TAF3: variants seen among roughly 807,000 people sequenced by gnomAD.
TAF3 encodes TATA-box binding protein associated factor 3, also known as transcription initiation factor TFIID subunit 3.
TAF3 carries 7 observed loss-of-function variants against 80.6 expected under a neutral mutation model. The ratio of observed to expected loss-of-function variants is 0.09; its 90% CI spans 0.05 to 0.16. The LOEUF (loss-of-function observed/expected upper bound fraction) is 0.16. Ranked by LOEUF, TAF3 falls within the 10% of genes least tolerant of loss-of-function variation. The pLI is 1.00. For synonymous variants in TAF3, 444 were observed against 446.1 expected, an observed-to-expected ratio of 1.00 and a Z score of 0.06; for missense variants, 921 against 1,140.2, an observed-to-expected ratio of 0.81 and a Z score of 2.77.
chr10:7,883,958 G>C (rs1837384774), intron 2 of TAF3, among the ~76,000 whole-genome samples: 1 of 152,102 alleles, frequency 6.6e-6, no homozygotes, highest in Admixed American at 6.5e-5. Flanking sequence ...CATGGCAAGG[G>C]GCTGAGCATG....
At chr10:7,975,659 A>G (rs1831665786) in intron 3 of TAF3, among the ~76,000 whole-genome samples, 1 of 152,178 alleles carries the variant, frequency 6.6e-6, no homozygotes, top group South Asian at 2.1e-4. Context: ...TGCAGGCATC[A>G]TGCAAGGGAG....
intron 2 of TAF3, among the ~76,000 whole-genome samples, chr10:7,853,595 G>A (rs777903830): frequency 1.1e-4 from 17 of 152,196 alleles, no homozygotes; most frequent in Non-Finnish European, 2.1e-4. Context: ...TCATTGACAC[G>A]TGAAATTCTC....
At chr10:7,853,453 G>A (rs918660504) in intron 2 of TAF3, among the ~76,000 whole-genome samples, 1 of 152,158 alleles carries the variant, frequency 6.6e-6, no homozygotes, top group Non-Finnish European at 1.5e-5. Context: ...GGAGGTGGTG[G>A]TGAAAAATGT....
In TAF3 at chr10:7,955,879, G is replaced by C. The variant is rs573118600; in HGVS notation, c.410-8041G>C. The stretch of plus-strand genomic sequence containing the variant: ...AAGGAAAATTGAAATGGAGTTTGTG[G>C]TGTCCTGCTCCCATCAACATTTGTA... On this transcript the variant is annotated intron_variant, in intron 2 of 6. Coordinates refer to ENST00000344293, the MANE Select transcript of TAF3 (RefSeq NM_031923.4). Among the ~76,000 whole-genome samples, 406 of 152,248 alleles carry C rather than the reference G, an allele frequency of 2.7e-3. 2 individuals are homozygous for C. Among genetic ancestry groups the C allele is most frequent in the Non-Finnish European group, 3.8e-3 (257 of 68,008 alleles).
intron 2 of TAF3, among the ~76,000 whole-genome samples, chr10:7,927,132 G>A (rs1266246246): frequency 6.6e-6 from 1 of 152,188 alleles, no homozygotes; most frequent in East Asian, 1.9e-4. Flanking sequence ...TCCTCATTCA[G>A]AGAACACTTT....
intron 2 of TAF3, among the ~76,000 whole-genome samples, chr10:7,907,645 G>A (rs145117017): frequency 2.9e-4 from 44 of 152,318 alleles, no homozygotes; most frequent in Admixed American, 1.3e-4. Context: ...TGGGTGATTC[G>A]TAGCAGAGCC....
chr10:7,939,342 T>G (rs952845224), intron 2 of TAF3, among the ~76,000 whole-genome samples: 5 of 152,104 alleles, frequency 3.3e-5, no homozygotes, highest in Non-Finnish European at 7.3e-5. Context: ...AATTGGAGGA[T>G]TCTCTGAAAA....
rs767965586 is a variant in TAF3, at chr10:8,009,379, A to T, written c.2568+49A>T. On this transcript the variant is annotated intron_variant, in intron 5 of 6. Coordinates refer to ENST00000344293, the MANE Select transcript of TAF3 (RefSeq NM_031923.4). This position sits in a 1 kb window ranked among gnomAD's most constrained non-coding sequence, Gnocchi z 4.1. ...TTAGCATGGAGACGTTTTCAGATCG[A>T]GACAAGTGTGTGCTCTGAATCACTA... 4.1e-5 allele frequency: 63 copies of T among 1,550,536 alleles called. No individual in the cohort carries two copies. The African/African-American group carries it at 5.2e-4, about 13-fold the overall frequency.
intron 2 of TAF3, among the ~76,000 whole-genome samples, chr10:7,852,033 C>T (rs982881645): frequency 6.6e-6 from 1 of 152,014 alleles, no homozygotes; most frequent in Non-Finnish European, 1.5e-5. Flanking sequence ...ATCCTTCCAC[C>T]TCAGCATCTC....
chr10:7,913,625 C>T (rs1057430522), intron 2 of TAF3, among the ~76,000 whole-genome samples: 1 of 152,122 alleles, frequency 6.6e-6, no homozygotes, highest in African/African-American at 2.4e-5. Context: ...CCTTTGTTCC[C>T]CAGTAGTCCT....
At chr10:7,877,059 G>A (rs2151016) in intron 2 of TAF3, among the ~76,000 whole-genome samples, 54,325 of 149,142 alleles carry the variant, frequency 0.36, 11,023 homozygotes, top group Admixed American at 0.49. Flanking sequence ...GAGATTCCAC[G>A]TCTGAGGTTT....
chr10:7,869,558 A>G (rs1292047655), intron 2 of TAF3, among the ~76,000 whole-genome samples: 1 of 152,192 alleles, frequency 6.6e-6, no homozygotes, highest in African/African-American at 2.4e-5. Context: ...ATTTTTCACT[A>G]TTTTAACAGT....
At chr10:7,844,877 T>G (rs1768766800) in intron 2 of TAF3, among the ~76,000 whole-genome samples, 2 of 152,212 alleles carry the variant, frequency 1.3e-5, no homozygotes, top group South Asian at 4.1e-4. Flanking sequence ...AATATGCCAT[T>G]AGTTACTTAG....
intron 3 of TAF3, among the ~76,000 whole-genome samples, chr10:7,971,319 C>T (rs1317205998): frequency 6.6e-6 from 1 of 152,088 alleles, no homozygotes; most frequent in Non-Finnish European, 1.5e-5. Context: ...GTTCAGCATC[C>T]AAATGTTAGG....
At chr10:7,922,558 C>T (rs1381346193) in intron 2 of TAF3, among the ~76,000 whole-genome samples, 1 of 152,036 alleles carries the variant, frequency 6.6e-6, no homozygotes, top group East Asian at 1.9e-4. Context: ...TTAAGTAACA[C>T]TATTTGAATA....
chr10:7,850,184 T>A (rs1440801953), intron 2 of TAF3, among the ~76,000 whole-genome samples: 1 of 152,210 alleles, frequency 6.6e-6, no homozygotes, highest in Non-Finnish European at 1.5e-5. Context: ...GATGTACCTG[T>A]GGATTAAATC....
At chr10:7,928,838 T>C (rs1274593731) in intron 2 of TAF3, among the ~76,000 whole-genome samples, 2 of 152,194 alleles carry the variant, frequency 1.3e-5, no homozygotes, top group Non-Finnish European at 2.9e-5. Context: ...CCGAGACTTC[T>C]TGAAGACTGA....
intron 6 of TAF3, 31 bp downstream of exon 6, chr10:8,013,868 C>A (rs1450593436): frequency 6.3e-7 from 1 of 1,576,622 alleles, no homozygotes; most frequent in East Asian, 2.2e-5. Context: ...GCCGGCCACA[C>A]TCATTAGGCA....
At chr10:7,842,887 A>G (rs1227208986) in intron 2 of TAF3, among the ~76,000 whole-genome samples, 1 of 152,246 alleles carries the variant, frequency 6.6e-6, no homozygotes, top group African/African-American at 2.4e-5. Context: ...AAATCTCAGC[A>G]CTGAATGTAA....
Sources: allele counts gnomAD v4.1 joint callset (sites outside exome capture counted in the v4.1 genomes callset), GRCh38; gene constraint gnomAD v4.1.1; non-coding constraint Gnocchi (gnomAD v3.1); transcripts MANE v1.5; gene names NCBI Gene and HGNC (gene_info 2026-07-23, HGNC 2026-07-21).